The following TTC6 variants were observed in gnomAD, a reference collection of about 807,000 sequenced individuals.
TTC6 encodes tetratricopeptide repeat protein 6.
Under a neutral mutation model 210.4 loss-of-function variants are expected in TTC6, and 172 were observed. That is an observed-to-expected ratio of 0.82 (90% confidence interval 0.72 to 0.93). TTC6 has a LOEUF of 0.93. TTC6 is among the 40% of genes least tolerant of loss of function. The pLI is 0.00. For synonymous variants in TTC6, 804 were observed against 819.6 expected (o/e 0.98, Z 0.32); for missense variants, 2,414 against 2,318.1 (o/e 1.04, Z -0.85).
chr14:37,779,002 G>A (rs2096046679), intron 14 of TTC6, among the ~76,000 whole-genome samples: 1 of 152,138 alleles, frequency 6.6e-6, no homozygotes, highest in African/African-American at 2.4e-5. Context: ...TCTGGGCTTT[G>A]CACAAGCTGG....
chr14:37,817,477 CTT>C (rs1413395492), intron 25 of TTC6, 99 bp from the exon 28 acceptor site: 2 of 976,836 alleles, frequency 2.0e-6, no homozygotes, highest in East Asian at 4.9e-5. Flanking sequence ...AGATGTATAT[CTT>C]AATGCTTGTG....
chr14:37,632,066 C>T (rs1344252368), intron 1 of TTC6, among the ~76,000 whole-genome samples: 1 of 152,042 alleles, frequency 6.6e-6, no homozygotes, highest in Non-Finnish European at 1.5e-5. Flanking sequence ...GAACATGTTC[C>T]TTTAGCTTGG....
At chr14:37,698,409 G>A (rs1250345240) in intron 4 of TTC6, among the ~76,000 whole-genome samples, 1 of 152,168 alleles carries the variant, frequency 6.6e-6, no homozygotes, top group African/African-American at 2.4e-5. Flanking sequence ...AATCAGTAAT[G>A]TAATCTCAAA....
intron 1 of TTC6, among the ~76,000 whole-genome samples, chr14:37,627,752 T>C (rs970461297): frequency 1.3e-5 from 2 of 152,200 alleles, no homozygotes; most frequent in Admixed American, 1.3e-4. Context: ...TGAATAGTGC[T>C]GCAATAAACA....
At chr14:37,698,251 A>G (rs188823290) in intron 4 of TTC6, among the ~76,000 whole-genome samples, 5 of 152,306 alleles carry the variant, frequency 3.3e-5, no homozygotes, top group East Asian at 3.9e-4. Context: ...CTCAAATTAA[A>G]TTGTATTCTT....
chr14:37,618,516 T>C (rs2095646309), upstream of TTC6, among the ~76,000 whole-genome samples: 1 of 152,246 alleles, frequency 6.6e-6, no homozygotes, highest in Admixed American at 6.5e-5. Context: ...CCCTTGGTAT[T>C]GCCAAACTAG....
intron 5 of TTC6, among the ~76,000 whole-genome samples, chr14:37,706,304 T>G (rs2095835408): frequency 6.6e-6 from 1 of 152,134 alleles, no homozygotes; most frequent in Non-Finnish European, 1.5e-5. Flanking sequence ...ATCCCTGGCC[T>G]TAGGGACCAC....
At chr14:37,613,968 A>AT (rs1484224291) in intron 2 of TTC6, among the ~76,000 whole-genome samples, 1 of 151,796 alleles carries the variant, frequency 6.6e-6, no homozygotes, top group Non-Finnish European at 1.5e-5. Flanking sequence ...TTATATCCTT[A>AT]TATTTATTAT....
chr14:37,659,162 T>G, intron 1 of TTC6, among the ~76,000 whole-genome samples: 1 of 152,208 alleles, frequency 6.6e-6, no homozygotes, highest in East Asian at 1.9e-4. Context: ...CGTACCACAT[T>G]TTCTTTATTC....
At chr14:37,808,885 T>G in intron 24 of TTC6, 39 bp downstream of exon 26, 7 of 1,047,634 alleles carry the variant, frequency 6.7e-6, no homozygotes, top group Non-Finnish European at 8.5e-6. Flanking sequence ...GTTTAAAGTG[T>G]TTAATAAATA....
rs1051561190 is a variant in TTC6, at chr14:37,598,446, C to T, written c.-235+2438C>T. Among the ~76,000 whole-genome samples, 8 of 152,214 alleles carry T rather than the reference C, an allele frequency of 5.3e-5. No individual in the cohort carries two copies. The highest frequency in any genetic ancestry group is 2.9e-5 in the Non-Finnish European group (2 of 68,036). On this transcript the variant is annotated intron_variant, in intron 1 of 2. Transcript: ENST00000556845. This position sits in a 1 kb window ranked among gnomAD's most constrained non-coding sequence, Gnocchi z 4.9. The stretch of plus-strand genomic sequence containing the variant: ...TAGCCGCCAGCGGAGGAAGCGGCTC[C>T]GCCCTTCCCGGAAGCTGCCCTTGCT...
At chr14:37,772,636 T>C (rs2096023443) in intron 14 of TTC6, 1 of 153,460 alleles carries the variant, frequency 6.5e-6, no homozygotes, top group Non-Finnish European at 1.4e-5. Context: ...GCTTCCAGAG[T>C]GAGGCAATGC....
chr14:37,744,260 T>C (rs764907620), intron 10 of TTC6, among the ~76,000 whole-genome samples: 34 of 152,124 alleles, frequency 2.2e-4, no homozygotes, highest in South Asian at 4.1e-4. Flanking sequence ...AGGAACAAGA[T>C]TGGCAAACTC....
chr14:37,612,230 T>C (rs1218549990), intron 2 of TTC6, among the ~76,000 whole-genome samples: 1 of 152,204 alleles, frequency 6.6e-6, no homozygotes, highest in Admixed American at 6.5e-5. Context: ...CATCCCTGCT[T>C]TTAGCCCACA....
chr14:37,792,242 T>C, intron 16 of TTC6, 22 bp from the exon 19 acceptor site: 1 of 1,483,182 alleles, frequency 6.7e-7, no homozygotes, highest in Non-Finnish European at 9.0e-7. Flanking sequence ...TAACAAGATT[T>C]CACTTTCTCA....
At chr14:37,653,405 T>G (rs977968486) in intron 1 of TTC6, among the ~76,000 whole-genome samples, 7 of 152,216 alleles carry the variant, frequency 4.6e-5, no homozygotes, top group Non-Finnish European at 7.3e-5. Context: ...TAACTTCTAT[T>G]ATTTGGATGT....
At chr14:37,709,584 T>G (rs2095841172) in intron 5 of TTC6, among the ~76,000 whole-genome samples, 1 of 151,850 alleles carries the variant, frequency 6.6e-6, no homozygotes, top group African/African-American at 2.4e-5. Flanking sequence ...GAAAGCTGGA[T>G]TTTTAAAAAA....
chr14:37,662,006 C>T (rs755438524), intron 1 of TTC6, among the ~76,000 whole-genome samples: 9 of 151,902 alleles, frequency 5.9e-5, no homozygotes, highest in African/African-American at 9.7e-5. Context: ...GCAATTTTTG[C>T]GCACTGATTT....
intron 1 of TTC6, among the ~76,000 whole-genome samples, chr14:37,599,636 C>A (rs1407408927): frequency 6.6e-6 from 1 of 152,164 alleles, no homozygotes. Flanking sequence ...CCCGGCCTCG[C>A]CCGCGGGCGA....
Sources: allele counts gnomAD v4.1 joint callset (sites outside exome capture counted in the v4.1 genomes callset), GRCh38; gene constraint gnomAD v4.1.1; non-coding constraint Gnocchi (gnomAD v3.1); transcripts MANE v1.5; gene names NCBI Gene and HGNC (gene_info 2026-07-23, HGNC 2026-07-21).